The following CADM2 variants were observed in gnomAD, a reference collection of about 807,000 sequenced individuals.
The protein encoded by CADM2 is cell adhesion molecule 2.
Under a neutral mutation model 49.8 loss-of-function variants are expected in CADM2, and 12 were observed. That is an observed-to-expected ratio of 0.24 (90% CI 0.15 to 0.39). CADM2 has a LOEUF of 0.39. Among genes scored for constraint, CADM2 ranks in the 10% least tolerant of loss-of-function variants. CADM2 has a pLI of 1.00. For missense variants in CADM2, 378 were observed against 492.3 expected (o/e 0.77, Z 2.20); for synonymous variants, 214 against 175.4 (o/e 1.22, Z -1.74).
Position 85,944,561 on chromosome 3 carries a change from T to C in CADM2, c.791+8704T>C, listed in dbSNP as rs546930078. On this transcript the variant is annotated intron_variant, in intron 7 of 9. Transcript: ENST00000383699. ...AGCAAATGTAAAATAATAGAAATTA[T>C]AACAAACTGTCTGTCAGACCACAGT... Among the ~76,000 whole-genome samples the C allele has an allele frequency of 1.4e-3, 217 of 152,156 alleles. 2 individuals are homozygous for C. In the Middle Eastern group the frequency reaches 0.02, roughly 14 times the overall value.
chr3:85,811,450 T>C (rs974069277), intron 3 of CADM2, among the ~76,000 whole-genome samples: 4 of 152,208 alleles, frequency 2.6e-5, no homozygotes, highest in African/African-American at 9.6e-5. Flanking sequence ...TTGCTGATCA[T>C]CTACTGTGTG....
intron 7 of CADM2, among the ~76,000 whole-genome samples, chr3:85,955,022 A>T (rs900984375): frequency 6.6e-5 from 10 of 151,380 alleles, no homozygotes; most frequent in Admixed American, 1.3e-4. Context: ...AACTGAAATA[A>T]AGCCAGTAGA....
At chr3:85,871,159 C>G (rs2075911793) in intron 3 of CADM2, among the ~76,000 whole-genome samples, 1 of 152,092 alleles carries the variant, frequency 6.6e-6, no homozygotes, top group Admixed American at 6.6e-5. Context: ...GGTCTAATAT[C>G]CAGCAACTAT....
chr3:85,902,325 A>G (rs1716235319), intron 5 of CADM2, among the ~76,000 whole-genome samples: 1 of 151,950 alleles, frequency 6.6e-6, no homozygotes, highest in Non-Finnish European at 1.5e-5. Context: ...TGATATTAGT[A>G]TAGTCACTCT....
chr3:85,382,502 G>A (rs762135489), intron 1 of CADM2, among the ~76,000 whole-genome samples: 20 of 152,080 alleles, frequency 1.3e-4, no homozygotes, highest in African/African-American at 1.9e-4. Context: ...CATGATTACC[G>A]CATATTTACC....
chr3:85,298,574 A>T (rs1254064497), intron 1 of CADM2, among the ~76,000 whole-genome samples: 1 of 152,122 alleles, frequency 6.6e-6, no homozygotes, highest in Non-Finnish European at 1.5e-5. Flanking sequence ...AAGGTATTTG[A>T]AAGGAAATTC....
At chr3:85,404,252 T>G (rs1466248868) in intron 1 of CADM2, among the ~76,000 whole-genome samples, 1 of 152,118 alleles carries the variant, frequency 6.6e-6, no homozygotes, top group Non-Finnish European at 1.5e-5. Context: ...TCTCCTTTCA[T>G]TCACCATAGC....
chr3:85,512,029 C>A (rs1447998372), intron 1 of CADM2: 6 of 214,704 alleles, frequency 2.8e-5, no homozygotes, highest in Admixed American at 1.3e-4. Context: ...ATTACATTCA[C>A]AGGGTACATG....
chr3:85,501,178 G>A (rs1372585253), intron 1 of CADM2, among the ~76,000 whole-genome samples: 2 of 151,966 alleles, frequency 1.3e-5, no homozygotes, highest in Non-Finnish European at 2.9e-5. Context: ...TAATGATTTG[G>A]TCAAAGCAAA....
intron 1 of CADM2, among the ~76,000 whole-genome samples, chr3:85,021,329 C>T (rs1393378113): frequency 1.3e-5 from 2 of 151,908 alleles, no homozygotes; most frequent in African/African-American, 4.8e-5. Flanking sequence ...ACGAACAAAA[C>T]GAAAAAGTTA....
intron 5 of CADM2, among the ~76,000 whole-genome samples, chr3:85,902,570 G>A (rs1716271288): frequency 6.6e-6 from 1 of 151,276 alleles, no homozygotes; most frequent in Non-Finnish European, 1.5e-5. Context: ...ATTGATATAG[G>A]TTTATTTTCA....
At chr3:85,182,263 A>C (rs2040954454) in intron 1 of CADM2, among the ~76,000 whole-genome samples, 1 of 152,090 alleles carries the variant, frequency 6.6e-6, no homozygotes, top group Non-Finnish European at 1.5e-5. Flanking sequence ...GGCTGAAATT[A>C]GTGGCTCACT....
intron 1 of CADM2, among the ~76,000 whole-genome samples, chr3:85,660,936 G>A (rs999783780): frequency 2.0e-5 from 3 of 150,632 alleles, no homozygotes; most frequent in African/African-American, 7.3e-5. Context: ...ACAGAAGCAC[G>A]AGGTACAACT....
intron 1 of CADM2, among the ~76,000 whole-genome samples, chr3:85,356,622 CATA>C (rs1464304773): frequency 6.6e-6 from 1 of 152,114 alleles, no homozygotes; most frequent in African/African-American, 2.4e-5. Context: ...GAAACACGTA[CATA>C]ATATTCTTTC....
intron 1 of CADM2, among the ~76,000 whole-genome samples, chr3:85,469,450 C>T (rs2038669662): frequency 3.3e-5 from 5 of 152,036 alleles, no homozygotes. Flanking sequence ...CAGGAATGGC[C>T]TCCAAATGGA....
chr3:85,789,331 T>C (rs1370788808), intron 2 of CADM2, among the ~76,000 whole-genome samples: 8 of 152,174 alleles, frequency 5.3e-5, no homozygotes, highest in Non-Finnish European at 1.2e-4. Context: ...AGTTAGCAAG[T>C]AAAGCTAGTC....
intron 1 of CADM2, among the ~76,000 whole-genome samples, chr3:85,643,785 GT>G (rs1459958230): frequency 2.6e-5 from 4 of 152,038 alleles, no homozygotes. Flanking sequence ...TATATTTTAA[GT>G]TTTTAAGGAT....
At chr3:85,960,789 C>T (rs1459598983) in intron 7 of CADM2, among the ~76,000 whole-genome samples, 2 of 151,738 alleles carry the variant, frequency 1.3e-5, no homozygotes, top group East Asian at 3.9e-4. Context: ...CAGTAAAAAC[C>T]TCTAAAAGAA....
intron 2 of CADM2, among the ~76,000 whole-genome samples, chr3:85,727,358 A>G (rs529578660): frequency 4.6e-5 from 7 of 152,122 alleles, no homozygotes; most frequent in Non-Finnish European, 8.8e-5. Flanking sequence ...ACTATTCCCT[A>G]TTTATAAAGT....
Sources: allele counts gnomAD v4.1 joint callset (sites outside exome capture counted in the v4.1 genomes callset), GRCh38; gene constraint gnomAD v4.1.1; transcripts MANE v1.5; gene names NCBI Gene and HGNC (gene_info 2026-07-23, HGNC 2026-07-21).